Variants in NOVA2 observed in about 807,000 individuals in gnomAD.
NOVA2 encodes NOVA alternative splicing regulator 2.
NOVA2 carries 9 observed loss-of-function variants against 22.5 expected under a neutral mutation model. The observed-to-expected ratio is 0.40, with a 90% CI of 0.24 to 0.70. NOVA2 has a LOEUF of 0.70. NOVA2 is among the 30% of genes least tolerant of loss of function. The pLI is 0.38. For missense variants in NOVA2, 383 were observed against 682.8 expected, an observed-to-expected ratio of 0.56 and a Z score of 4.89; for synonymous variants, 318 against 335.2, an observed-to-expected ratio of 0.95 and a Z score of 0.56.
intron 2 of NOVA2, among the ~76,000 whole-genome samples, chr19:45,957,793 A>G (rs1968026378): frequency 1.3e-5 from 2 of 151,848 alleles, no homozygotes; most frequent in African/African-American, 4.8e-5. Flanking sequence ...GCAGATGTTC[A>G]ACATCAGACG....
chr19:45,950,261 C>T (rs575077296), intron 3 of NOVA2, among the ~76,000 whole-genome samples: 15 of 151,578 alleles, frequency 9.9e-5, no homozygotes, highest in African/African-American at 2.9e-4. Flanking sequence ...CAGGTTCAAG[C>T]GATTCTTCTG....
rs1600590535 is a variant in NOVA2, at chr19:45,934,845, T to A, written c.*5018A>T. 1 of 21,528 alleles carries A rather than the reference T, an allele frequency of 4.6e-5. No individual in the cohort carries two copies. The highest frequency in any genetic ancestry group is 2.1e-4 in the African/African-American group (1 of 4,804). 1.3% of individuals were successfully genotyped at this position (21,528 alleles called of 1,614,324 possible). A position where few individuals can be genotyped will look rare whatever the true frequency, so the allele number is the denominator to read the frequency against. ...CCCAGGGTGGGGCAGACCCTAGGGG[T>A]GAGGGATGGGGGTGGGGCATGGGAT... On this transcript the variant is annotated 3_prime_UTR_variant, in exon 4 of 4. Coordinates refer to ENST00000263257, the MANE Select transcript of NOVA2 (RefSeq NM_002516.4).
chr19:45,946,003 TA>T (rs35902840), intron 3 of NOVA2, among the ~76,000 whole-genome samples: 40 of 97,854 alleles, frequency 4.1e-4, no homozygotes, highest in Middle Eastern at 4.9e-3. Flanking sequence ...AGACTCCATC[TA>T]AAAAAAAAAA....
intron 1 of NOVA2, among the ~76,000 whole-genome samples, 170 bp downstream of exon 1, chr19:45,973,097 G>A (rs1968254815): frequency 1.3e-5 from 2 of 148,758 alleles, no homozygotes; most frequent in Admixed American, 6.6e-5. Context: ...TCAGCGAGAG[G>A]AGGAGGGGGT....
chr19:45,937,594 A>G lies in NOVA2; in HGVS notation c.*2269T>C, dbSNP rs1343709158. ...GGTAGTAGAAGATATGTACAAAGTT[A>G]CATCAAGAATTGTTTTGGCACTCAG... On this transcript the variant is annotated 3_prime_UTR_variant, in exon 4 of 4. Transcript: ENST00000263257. 1 of 152,242 alleles carries G rather than the reference A, an allele frequency of 6.6e-6. No homozygotes were observed. The highest frequency in any genetic ancestry group is 2.4e-5 in the African/African-American group (1 of 41,460). The allele number at this position is 152,242 out of a possible 1,614,324, so 9.4% of individuals were successfully genotyped here.
intron 1 of NOVA2, among the ~76,000 whole-genome samples, chr19:45,970,738 T>C (rs12460799): frequency 0.31 from 46,849 of 151,910 alleles, 7,569 homozygotes; most frequent in East Asian, 0.51. Flanking sequence ...GAAAAGGGGA[T>C]GGGTTGGCCC....
intron 1 of NOVA2, among the ~76,000 whole-genome samples, chr19:45,970,877 C>CCGGCCT (rs1203710029): frequency 6.6e-6 from 1 of 152,168 alleles, no homozygotes; most frequent in Admixed American, 6.5e-5. Flanking sequence ...TCTGCATCTC[C>CCGGCCT]CGGCCTCAGT....
intron 3 of NOVA2, among the ~76,000 whole-genome samples, chr19:45,943,155 G>A (rs1315099386): frequency 6.6e-6 from 1 of 151,502 alleles, no homozygotes; most frequent in Non-Finnish European, 1.5e-5. Context: ...CTGGGTTCAA[G>A]GGATTCTGCC....
At chr19:45,947,630 C>G (rs376321129) in intron 3 of NOVA2, among the ~76,000 whole-genome samples, 3 of 151,950 alleles carry the variant, frequency 2.0e-5, no homozygotes, top group Non-Finnish European at 4.4e-5. Context: ...CCCACCACCA[C>G]GCCCGGCTAA....
chr19:45,952,887 A>C (rs1247115009), intron 3 of NOVA2, among the ~76,000 whole-genome samples: 1 of 152,214 alleles, frequency 6.6e-6, no homozygotes, highest in East Asian at 1.9e-4. Context: ...CCTCAGGGCA[A>C]CGACAGGACC....
intron 2 of NOVA2, among the ~76,000 whole-genome samples, chr19:45,958,630 T>G (rs1307223572): frequency 6.6e-6 from 1 of 151,620 alleles, no homozygotes; most frequent in Non-Finnish European, 1.5e-5. Flanking sequence ...TGTGTGAGTG[T>G]GAGCGTGTGA....
intron 1 of NOVA2, among the ~76,000 whole-genome samples, chr19:45,968,431 T>G (rs537491996): frequency 6.6e-5 from 10 of 151,780 alleles, no homozygotes; most frequent in Non-Finnish European, 1.3e-4. Flanking sequence ...ACAACTAGAG[T>G]GTGCTTATGT....
intron 1 of NOVA2, among the ~76,000 whole-genome samples, chr19:45,968,328 G>A (rs1322917256): frequency 6.6e-6 from 1 of 152,008 alleles, no homozygotes; most frequent in Non-Finnish European, 1.5e-5. Context: ...GAGGGTGTGG[G>A]GTGGGAGCAG....
At position 45,936,880 on chromosome 19, in the gene NOVA2, T is replaced by C. The variant is rs1395435518; in HGVS notation, c.*2983A>G. On this transcript the variant is annotated 3_prime_UTR_variant, in exon 4 of 4. Coordinates refer to ENST00000263257, the MANE Select transcript of NOVA2 (RefSeq NM_002516.4). ...GAGACTCTGAGATCGGATTGGCTAA[T>C]AGGGAGACGGGGAAAAAAAAAGAGA... The C allele has an allele frequency of 6.7e-6, 1 of 149,138 alleles. No individual in the cohort carries two copies. The highest frequency in any genetic ancestry group is 2.0e-4 in the East Asian group (1 of 5,046). The allele number at this position is 149,138 out of a possible 1,614,324, so 9.2% of individuals were successfully genotyped here.
In NOVA2 at chr19:45,940,034, C is replaced by G; in HGVS notation, c.1308G>C (p.Thr436=). 5.0e-6 allele frequency: 8 copies of G among 1,614,042 alleles called. No individual in the cohort carries two copies. Among genetic ancestry groups the G allele is most frequent in the Non-Finnish European group, 6.8e-6 (8 of 1,179,956 alleles). Residue 436 remains threonine (T), a synonymous_variant, in exon 4 of 4, where the codon ACG becomes ACC. Coordinates refer to ENST00000263257, the MANE Select transcript of NOVA2 (RefSeq NM_002516.4). The part of the protein sequence containing the change: ...GKTLVEYQEL[T]GARIQISKKG... ...TCTTGGAGATCTGGATGCGAGCGCCCGTCAGCTCCTGGTACTCCACCAACG... is the reference window on the plus strand; with the variant it reads ...TCTTGGAGATCTGGATGCGAGCGCCGGTCAGCTCCTGGTACTCCACCAACG...
chr19:45,959,274 T>A (rs1344567459), intron 2 of NOVA2, among the ~76,000 whole-genome samples: 1 of 151,874 alleles, frequency 6.6e-6, no homozygotes, highest in Non-Finnish European at 1.5e-5. Flanking sequence ...AGCCGGCTCA[T>A]GCTGTATGAT....
intron 3 of NOVA2, among the ~76,000 whole-genome samples, chr19:45,944,987 G>A (rs577974984): frequency 3.9e-5 from 6 of 152,184 alleles, no homozygotes; most frequent in African/African-American, 9.6e-5. Context: ...GTGGGAGATC[G>A]AGGGGTCATA....
At chr19:45,942,908 G>C (rs959588710) in intron 3 of NOVA2, among the ~76,000 whole-genome samples, 3 of 151,930 alleles carry the variant, frequency 2.0e-5, no homozygotes, top group Non-Finnish European at 2.9e-5. Flanking sequence ...GGGTGTCTGA[G>C]AAATTTGTGG....
chr19:45,939,688 G>T lies in NOVA2; in HGVS notation c.*175C>A. Reference sequence around the variant, plus strand: ...GGGCTTCTGAGCCCCCTTCCCAACCGTCACTCAATCCTGCCTATGACTACC... The same window carrying T: ...GGGCTTCTGAGCCCCCTTCCCAACCTTCACTCAATCCTGCCTATGACTACC... On this transcript the variant is annotated 3_prime_UTR_variant, in exon 4 of 4. Transcript: ENST00000263257. The T allele has an allele frequency of 1.3e-6, 1 of 772,686 alleles. No individual in the cohort carries two copies. The highest frequency in any genetic ancestry group is 2.0e-6 in the Non-Finnish European group (1 of 496,752). 47.9% of individuals were successfully genotyped at this position (772,686 alleles called of 1,614,324 possible).
Sources: gnomAD v4.1 joint callset for allele counts (sites outside exome capture counted in the v4.1 genomes callset) on GRCh38, gnomAD v4.1.1 for gene constraint, MANE v1.5 for transcripts, NCBI Gene and HGNC (gene_info 2026-07-23, HGNC 2026-07-21) for gene names.